Variants in TNN observed in about 807,000 individuals in gnomAD.
TNN encodes tenascin-N.
TNN carries 122 observed loss-of-function variants against 134.4 expected under a neutral mutation model. The observed-to-expected ratio is 0.91, with a 90% CI of 0.78 to 1.06. The LOEUF is 1.06. Among genes scored for constraint, TNN ranks in the 50% least tolerant of loss-of-function variants. TNN has a pLI of 0.00. For missense variants in TNN, 1,739 were observed against 1,699.4 expected (o/e 1.02, Z -0.41); for synonymous variants, 710 against 670.3 (o/e 1.06, Z -0.91).
At chr1:175,131,728 G>A (rs528841613) in intron 15 of TNN, among the ~76,000 whole-genome samples, 15 of 152,198 alleles carry the variant, frequency 9.9e-5, no homozygotes, top group East Asian at 7.7e-4. Context: ...TGATCTTGCC[G>A]AAGCCTTGAT....
chr1:175,124,960 T>G lies in TNN; in HGVS notation c.2914+1297T>G, dbSNP rs962863905. ...TTCCTGCTTCATAGAAATGTGAAAG[T>G]AACTAAGACAGACATCTCAAGTCCA... On this transcript the variant is annotated intron_variant, in intron 12 of 18. Coordinates refer to ENST00000239462, the MANE Select transcript of TNN (RefSeq NM_022093.2). Among the ~76,000 whole-genome samples, 6 of 152,218 alleles carry G rather than the reference T, an allele frequency of 3.9e-5. No homozygotes were observed. In the East Asian group the frequency reaches 1.2e-3, roughly 29 times the overall value.
intron 1 of TNN, among the ~76,000 whole-genome samples, 176 bp from the exon 2 acceptor site, chr1:175,077,208 T>A (rs1674061099): frequency 6.6e-6 from 1 of 152,124 alleles, no homozygotes; most frequent in Admixed American, 6.5e-5. Flanking sequence ...GAGGCAGGAA[T>A]ATGCAATCTG....
In TNN at chr1:175,133,801, A is replaced by ATGTGCAATGTGT. The variant is rs1454076710; in HGVS notation, c.3331-2037_3331-2026dup. ...AACAAACACAGTGTATTTTTCTTATATGTGCAATGTGTTGTGCAGGTTTGG... is the reference window on the plus strand; with the variant it reads ...AACAAACACAGTGTATTTTTCTTATATGTGCAATGTGTTGTGCAATGTGTTGTGCAGGTTTGG... On this transcript the variant is annotated intron_variant, in intron 15 of 18. Coordinates refer to ENST00000239462, the MANE Select transcript of TNN (RefSeq NM_022093.2). Among the ~76,000 whole-genome samples the ATGTGCAATGTGT allele has an allele frequency of 9.9e-5, 15 of 152,238 alleles. No individual in the cohort carries two copies. The South Asian group carries it at 3.1e-3, about 32-fold the overall frequency.
rs1214768093 is a variant in TNN, at chr1:175,147,521, T to C, written c.*450T>C. 2 of 153,164 alleles carry C rather than the reference T, an allele frequency of 1.3e-5. No individual in the cohort carries two copies. The highest frequency in any genetic ancestry group is 2.1e-4 in the South Asian group (1 of 4,846). The allele number at this position is 153,164 out of a possible 1,614,324, so 9.5% of individuals were successfully genotyped here. On this transcript the variant is annotated 3_prime_UTR_variant, in exon 19 of 19. Coordinates refer to ENST00000239462, the MANE Select transcript of TNN (RefSeq NM_022093.2). ...CTGAGACAACCGGACGTTTGTCACC[T>C]CCTTTCCCATTGGGTTTTTAGGAAA...
intron 1 of TNN, among the ~76,000 whole-genome samples, chr1:175,075,378 G>T (rs946312530): frequency 1.3e-5 from 2 of 152,100 alleles, no homozygotes; most frequent in African/African-American, 4.8e-5. Flanking sequence ...GCTCACTGCA[G>T]CCTCCGCCTC....
intron 15 of TNN, 36 bp from the exon 16 acceptor site, chr1:175,135,809 G>T (rs758249602): frequency 6.5e-6 from 10 of 1,533,054 alleles, no homozygotes; most frequent in Non-Finnish European, 9.0e-6. Flanking sequence ...ATGTCTGTTT[G>T]GAGGGTCAGA....
intron 17 of TNN, among the ~76,000 whole-genome samples, chr1:175,143,520 T>TGG (rs1361715873): frequency 6.7e-6 from 1 of 148,482 alleles, no homozygotes; most frequent in Non-Finnish European, 1.5e-5. Flanking sequence ...TGTGTGTAGG[T>TGG]GTGTGTGTGT....
intron 6 of TNN, among the ~76,000 whole-genome samples, chr1:175,088,215 G>T (rs1267383473): frequency 1.3e-5 from 2 of 152,122 alleles, no homozygotes; most frequent in Admixed American, 6.5e-5. Flanking sequence ...AGGTGGGGCT[G>T]GTAGTTCCAA....
chr1:175,129,452 G>A (rs1159119435), intron 15 of TNN, among the ~76,000 whole-genome samples: 1 of 151,728 alleles, frequency 6.6e-6, no homozygotes, highest in South Asian at 2.1e-4. Flanking sequence ...TGTAAGGATA[G>A]AGCCTAGTAC....
At chr1:175,071,061 A>G (rs535475128) in intron 1 of TNN, among the ~76,000 whole-genome samples, 261 of 152,332 alleles carry the variant, frequency 1.7e-3, no homozygotes, top group Non-Finnish European at 3.5e-3. Flanking sequence ...TGGGGACAGA[A>G]TATCTTCTTA....
chr1:175,114,362 T>C (rs992401145), intron 9 of TNN, among the ~76,000 whole-genome samples: 6 of 152,224 alleles, frequency 3.9e-5, no homozygotes, highest in African/African-American at 1.4e-4. Context: ...TACAGAAGTT[T>C]GTGGTAGTGG....
At position 175,106,433 on chromosome 1, in the gene TNN, C is replaced by T. The variant is rs551256595; in HGVS notation, c.2119+7838C>T. On this transcript the variant is annotated intron_variant, in intron 9 of 18. Coordinates refer to ENST00000239462, the MANE Select transcript of TNN (RefSeq NM_022093.2). ...CTAAAATTCCAGGTAGTCCCCACTA[C>T]GATGGGGCCTTGGGCAAAAACTGTG... Among the ~76,000 whole-genome samples the T allele has an allele frequency of 1.2e-4, 18 of 145,990 alleles. 1 individual carries two copies. Among genetic ancestry groups the T allele is most frequent in the African/African-American group, 2.5e-4 (10 of 40,590 alleles).
chr1:175,076,170 G>A (rs1453955822), intron 1 of TNN, among the ~76,000 whole-genome samples: 1 of 152,078 alleles, frequency 6.6e-6, no homozygotes, highest in African/African-American at 2.4e-5. Flanking sequence ...GGGGGTTGGG[G>A]GCACAAGGGG....
chr1:175,089,681 T>C lies in TNN; in HGVS notation c.1324+4187T>C, dbSNP rs561974329. Among the ~76,000 whole-genome samples the C allele has an allele frequency of 6.5e-4, 99 of 152,344 alleles. 1 individual carries two copies. Among genetic ancestry groups the C allele is most frequent in the South Asian group, 2.1e-3 (10 of 4,822 alleles). On this transcript the variant is annotated intron_variant, in intron 6 of 18. Coordinates refer to ENST00000239462, the MANE Select transcript of TNN (RefSeq NM_022093.2). ...TATTCTGTTAATAGCTTCATGCTTT[T>C]CCCTGGTGTGTATAAAACAAAGCAT...
intron 15 of TNN, among the ~76,000 whole-genome samples, chr1:175,135,450 GA>G (rs1015983763): frequency 2.0e-5 from 3 of 152,194 alleles, no homozygotes; most frequent in East Asian, 3.9e-4. Flanking sequence ...CAGAAAAGGG[GA>G]AAAAAGATGC....
At chr1:175,119,629 C>CTTTTTTTTTT (rs757564360) in intron 11 of TNN, among the ~76,000 whole-genome samples, 1 of 133,498 alleles carries the variant, frequency 7.5e-6, no homozygotes, top group Non-Finnish European at 1.5e-5. Context: ...CCATGAATGC[C>CTTTTTTTTTT]TTTTTTTTCT....
In TNN at chr1:175,106,567, C is replaced by A. The variant is rs576565623; in HGVS notation, c.2119+7972C>A. 1.6e-4 allele frequency among the ~76,000 whole-genome samples: 23 copies of A among 146,120 alleles called. 2 individuals carry two copies. Among genetic ancestry groups the A allele is most frequent in the African/African-American group, 5.4e-4 (22 of 40,628 alleles). On this transcript the variant is annotated intron_variant, in intron 9 of 18. Transcript: ENST00000239462. ...CTAGAAAAGCACCAGAGACAGGTAG[C>A]AATTTTTAGAAGCGGGTCTAGCCTC...
chr1:175,098,149 T>C (rs1386511861), intron 8 of TNN, among the ~76,000 whole-genome samples, 183 bp from the exon 9 acceptor site: 1 of 152,188 alleles, frequency 6.6e-6, no homozygotes, highest in Non-Finnish European at 1.5e-5. Context: ...TTTATAATGA[T>C]TCCTCCTTTG....
intron 1 of TNN, among the ~76,000 whole-genome samples, chr1:175,069,851 G>A (rs963197167): frequency 6.6e-6 from 1 of 152,192 alleles, no homozygotes; most frequent in Non-Finnish European, 1.5e-5. Context: ...ATTAGCAAAC[G>A]CTCTCCTCCT....
Sources: allele counts gnomAD v4.1 joint callset (sites outside exome capture counted in the v4.1 genomes callset), GRCh38; gene constraint gnomAD v4.1.1; transcripts MANE v1.5; gene names NCBI Gene and HGNC (gene_info 2026-07-23, HGNC 2026-07-21).